The following MYO6 variants were observed in gnomAD, a reference collection of about 807,000 sequenced individuals.
The protein encoded by MYO6 is myosin VI.
A neutral mutation model predicts 178.7 loss-of-function variants in MYO6; 74 were observed. The ratio of observed to expected loss-of-function variants is 0.41; its 90% CI spans 0.34 to 0.50. The LOEUF is 0.50. Ranked by LOEUF, MYO6 falls within the 20% of genes least tolerant of loss-of-function variation. The probability of loss-of-function intolerance (pLI) is 0.09; values close to 1 mark genes in which losing one functional copy is unlikely to be tolerated. For synonymous variants in MYO6, 477 were observed against 504.6 expected, an observed-to-expected ratio of 0.95 and a Z score of 0.73; for missense variants, 1,330 against 1,547.4, an observed-to-expected ratio of 0.86 and a Z score of 2.36.
intron 34 of MYO6, 90 bp downstream of exon 34, chr6:75,914,371 T>G (rs1582022056): frequency 1.5e-6 from 2 of 1,304,548 alleles, no homozygotes; most frequent in Non-Finnish European, 2.2e-6. Context: ...ATATAATAAT[T>G]TATTACATTT....
chr6:75,878,621 T>C (rs1777758445), intron 20 of MYO6, among the ~76,000 whole-genome samples: 1 of 152,246 alleles, frequency 6.6e-6, no homozygotes. Context: ...AAAATAAAAA[T>C]TCACTGGTTT....
At chr6:75,818,009 A>C (rs555396814) in intron 2 of MYO6, among the ~76,000 whole-genome samples, 2 of 152,284 alleles carry the variant, frequency 1.3e-5, no homozygotes, top group Admixed American at 1.3e-4. Context: ...CACATTACTA[A>C]AGTTATTAGT....
intron 16 of MYO6, among the ~76,000 whole-genome samples, chr6:75,864,934 T>C (rs1776522378): frequency 1.3e-5 from 2 of 152,122 alleles, no homozygotes; most frequent in South Asian, 4.1e-4. Context: ...ATGCCTAATA[T>C]GGCATGTAAA....
chr6:75,877,349 C>T (rs1345420944), intron 20 of MYO6, among the ~76,000 whole-genome samples: 1 of 151,890 alleles, frequency 6.6e-6, no homozygotes, highest in African/African-American at 2.4e-5. Flanking sequence ...TGACTGCAAC[C>T]TCTGCCTTCT....
intron 12 of MYO6, 40 bp downstream of exon 12, chr6:75,855,323 T>C (rs1161535586): frequency 6.2e-7 from 1 of 1,605,734 alleles, no homozygotes. Flanking sequence ...AATTTTGCCT[T>C]GCAGTTTGTC....
intron 1 of MYO6, among the ~76,000 whole-genome samples, chr6:75,815,291 G>A (rs373497675): frequency 6.6e-6 from 1 of 151,976 alleles, no homozygotes; most frequent in Admixed American, 6.5e-5. Context: ...ATTTGAAGGA[G>A]TGCTGTTAGT....
intron 1 of MYO6, among the ~76,000 whole-genome samples, chr6:75,757,092 C>T (rs1196663598): frequency 6.4e-5 from 9 of 141,440 alleles, no homozygotes; most frequent in African/African-American, 1.1e-4. Context: ...TATATGTATA[C>T]GCAATATGTA....
chr6:75,866,781 G>A, intron 17 of MYO6, 151 bp from the exon 18 acceptor site: 2 of 1,024,876 alleles, frequency 2.0e-6, no homozygotes, highest in South Asian at 1.4e-5. Flanking sequence ...CACTTCAGGT[G>A]CCCAGTGTCC....
Position 75,830,447 on chromosome 6 carries a change from AT to A in MYO6, c.294del (p.Pro99HisfsTer14). 6.2e-7 allele frequency: 1 copy of A among 1,612,412 alleles called. No individual in the cohort carries two copies. ...GTCGCCAACATTCTGATTGCAGTGA[AT>A]CCATACTTTGACATACCTAAAATAT... ...TYVANILIAV[N>X]PYFDIPKIYS... On this transcript the variant is annotated frameshift_variant, in exon 5 of 35. Transcript: ENST00000369977. LOFTEE classifies it high-confidence loss of function.
rs542108508 is a variant in MYO6 at position 75,789,591 on chromosome 6, C to T, written c.-47-27910C>T. Reference sequence around the variant, plus strand: ...TCTTTTTTTTTGTTAACTGCCGCTTCGGAGAATATAAGCTTTTTTAAAATT... The same window carrying T: ...TCTTTTTTTTTGTTAACTGCCGCTTTGGAGAATATAAGCTTTTTTAAAATT... On this transcript the variant is annotated intron_variant, in intron 1 of 34. Transcript: ENST00000369977. Among the ~76,000 whole-genome samples the T allele has an allele frequency of 9.2e-5, 14 of 151,734 alleles. No homozygotes were observed. The South Asian group carries it at 2.1e-3, about 23-fold the overall frequency.
At chr6:75,896,563 G>T (rs904386723) in intron 29 of MYO6, among the ~76,000 whole-genome samples, 20 of 152,222 alleles carry the variant, frequency 1.3e-4, no homozygotes, top group African/African-American at 4.8e-4. Context: ...AATATTAAAG[G>T]CATGCAAAAA....
intron 28 of MYO6, among the ~76,000 whole-genome samples, chr6:75,894,518 G>A (rs1263767913): frequency 6.6e-6 from 1 of 152,110 alleles, no homozygotes. Flanking sequence ...TCTGGTCGTC[G>A]TGGTTATTTT....
In MYO6 at chr6:75,857,214, A is replaced by C; in HGVS notation, c.1341A>C (p.Thr447=). Residue 447 remains threonine, a synonymous_variant, in exon 13 of 35, where the codon ACA becomes ACC. Coordinates refer to ENST00000369977, the MANE Select transcript of MYO6 (RefSeq NM_004999.4). ...NRVNQCFPFE[T]SSYFIGVLDI... ...TAAATCAGTGTTTTCCTTTTGAAAC[A>C]TCATCCTATTTTATTGGAGTCCTAG... 1 of 1,614,000 alleles carries C rather than the reference A, an allele frequency of 6.2e-7. No homozygotes were observed. The highest frequency in any genetic ancestry group is 2.2e-5 in the East Asian group (1 of 44,862).
intron 18 of MYO6, among the ~76,000 whole-genome samples, chr6:75,869,601 T>C (rs1005903249): frequency 6.6e-6 from 1 of 152,182 alleles, no homozygotes; most frequent in African/African-American, 2.4e-5. Context: ...AGTAGTTTAA[T>C]AAATACCTCA....
chr6:75,902,262 C>T (rs1474786068), intron 30 of MYO6, among the ~76,000 whole-genome samples: 1 of 152,136 alleles, frequency 6.6e-6, no homozygotes, highest in African/African-American at 2.4e-5. Context: ...GGAGGATTCC[C>T]TCTTTTTCTA....
In MYO6 at chr6:75,846,220, TC is replaced by T. The variant is rs371682817; in HGVS notation, c.897+1244del. Among the ~76,000 whole-genome samples the T allele has an allele frequency of 3.4e-4, 52 of 152,068 alleles. 1 individual carries two copies. The South Asian group carries it at 9.1e-3, about 27-fold the overall frequency. On this transcript the variant is annotated intron_variant, in intron 10 of 34. Coordinates refer to ENST00000369977, the MANE Select transcript of MYO6 (RefSeq NM_004999.4). ...ATAAGTGATATTAAGTTACACGTAC[TC>T]AAGGGGCTTAAGTTATGAAATACTA...
intron 11 of MYO6, among the ~76,000 whole-genome samples, chr6:75,852,716 A>T (rs1775390225): frequency 6.6e-6 from 1 of 152,206 alleles, no homozygotes. Flanking sequence ...ATTTCATTGT[A>T]TGGATATACT....
At chr6:75,891,375 G>A in intron 27 of MYO6, 69 bp downstream of exon 27, 1 of 1,194,820 alleles carries the variant, frequency 8.4e-7, no homozygotes, top group East Asian at 2.7e-5. Flanking sequence ...GCTCATGCCT[G>A]TAATCCCAGC....
intron 29 of MYO6, among the ~76,000 whole-genome samples, chr6:75,895,583 T>C (rs1324140573): frequency 1.3e-5 from 2 of 151,684 alleles, no homozygotes; most frequent in Non-Finnish European, 2.9e-5. Context: ...AGTGGTGTCA[T>C]CTGGGGTCAC....
Sources: allele counts gnomAD v4.1 joint callset (sites outside exome capture counted in the v4.1 genomes callset), GRCh38; gene constraint gnomAD v4.1.1; transcripts MANE v1.5; gene names NCBI Gene and HGNC (gene_info 2026-07-23, HGNC 2026-07-21).